The following ADGRV1 variants were observed in gnomAD, a reference collection of about 807,000 sequenced individuals.
ADGRV1 encodes the protein G-protein coupled receptor 98.
ADGRV1 carries 359 observed loss-of-function variants against 596.2 expected under a neutral mutation model. That is an observed-to-expected ratio of 0.60 (90% CI 0.55 to 0.66). The LOEUF is 0.66. Ranked by LOEUF, ADGRV1 falls within the 30% of genes least tolerant of loss-of-function variation. ADGRV1 has a pLI of 0.00. For missense variants in ADGRV1, 7,274 were observed against 7,575.6 expected, an observed-to-expected ratio of 0.96 and a Z score of 1.48; for synonymous variants, 2,681 against 2,679.2, an observed-to-expected ratio of 1.00 and a Z score of -0.02.
intron 85 of ADGRV1, among the ~76,000 whole-genome samples, chr5:91,033,976 C>A (rs995047507): frequency 1.3e-5 from 2 of 152,216 alleles, no homozygotes; most frequent in Admixed American, 6.5e-5. Context: ...TTTAACATTT[C>A]TTTTTCTCTT....
rs556077870 is a variant in ADGRV1, at chr5:90,567,775, C to T, written c.22+8858C>T. 2.0e-5 allele frequency among the ~76,000 whole-genome samples: 3 copies of T among 151,214 alleles called. No individual in the cohort carries two copies. The South Asian group carries it at 6.3e-4, about 32-fold the overall frequency. ...TTTTGACAGAATCTTGGTCTGTTAC[C>T]CCGGCGGGAGTGGGAGTGCAGTGGT... On this transcript the variant is annotated intron_variant, in intron 1 of 89. Transcript: ENST00000405460.
intron 83 of ADGRV1, among the ~76,000 whole-genome samples, chr5:90,947,408 A>G (rs1776672716): frequency 6.6e-6 from 1 of 152,116 alleles, no homozygotes; most frequent in African/African-American, 2.4e-5. Context: ...ATAGATTGCA[A>G]AAATTTTCTC....
chr5:91,040,413 C>G (rs1274967974), intron 85 of ADGRV1, among the ~76,000 whole-genome samples: 1 of 152,124 alleles, frequency 6.6e-6, no homozygotes, highest in East Asian at 1.9e-4. Context: ...TTCATGAGGA[C>G]AGGAATCCTG....
At chr5:91,152,149 G>C (rs1228910040) in intron 88 of ADGRV1, among the ~76,000 whole-genome samples, 1 of 152,164 alleles carries the variant, frequency 6.6e-6, no homozygotes, top group Non-Finnish European at 1.5e-5. Flanking sequence ...CATAGAATTG[G>C]CCTTGATTCA....
intron 11 of ADGRV1, among the ~76,000 whole-genome samples, chr5:90,641,760 A>G (rs2149424562): frequency 6.6e-6 from 1 of 152,280 alleles, no homozygotes; most frequent in East Asian, 1.9e-4. Context: ...TTTTTGGTTC[A>G]ATAGGACGTG....
chr5:91,011,652 C>A (rs554882620), intron 85 of ADGRV1, among the ~76,000 whole-genome samples: 73 of 151,936 alleles, frequency 4.8e-4, no homozygotes, highest in Admixed American at 1.3e-3. Context: ...TTTCTGTGTT[C>A]TTTCTCTAAC....
At chr5:90,656,619 T>C (rs1769441388) in intron 20 of ADGRV1, among the ~76,000 whole-genome samples, 1 of 152,200 alleles carries the variant, frequency 6.6e-6, no homozygotes, top group Non-Finnish European at 1.5e-5. Context: ...AGGTGGTCTC[T>C]GTAGTCGGTA....
chr5:90,919,938 G>A (rs1383964559), intron 83 of ADGRV1, among the ~76,000 whole-genome samples: 2 of 142,770 alleles, frequency 1.4e-5, no homozygotes, highest in African/African-American at 5.2e-5. Context: ...AGGTTGTGAT[G>A]AGCCAAGATC....
At chr5:90,686,555 T>C (rs1745677432) in intron 29 of ADGRV1, among the ~76,000 whole-genome samples, 1 of 152,044 alleles carries the variant, frequency 6.6e-6, no homozygotes, top group Non-Finnish European at 1.5e-5. Context: ...CATCATTTTT[T>C]ATGGCTGCAT....
Position 90,725,604 on chromosome 5 carries a change from G to A in ADGRV1, c.10109G>A (p.Ser3370Asn). 2 of 1,592,392 alleles carry A rather than the reference G, an allele frequency of 1.3e-6. No individual in the cohort carries two copies. The highest frequency in any genetic ancestry group is 1.1e-5 in the South Asian group (1 of 90,326). The change falls in exon 48 of 90, where the codon AGC becomes AAC. Residue 3370 changes from serine to asparagine, a missense_variant. Around this residue, in one of 5 missense-constraint regions of ADGRV1, gnomAD observed 3,643 missense variants for 3,809.2 expected, o/e 0.96. Transcript: ENST00000405460. The part of the protein sequence containing the change: ...SSQVRYFTSD[S>N]QDYLIIASQR... ...CAAGTAAGATATTTTACTTCAGACA[G>A]CCAAGATTATTTAATCATTGCAAGT...
chr5:90,899,656 A>G (rs982021393), intron 83 of ADGRV1, among the ~76,000 whole-genome samples: 5 of 151,958 alleles, frequency 3.3e-5, no homozygotes, highest in African/African-American at 4.8e-5. Flanking sequence ...CGTTCTTTGT[A>G]TCCTACCTCT....
intron 83 of ADGRV1, among the ~76,000 whole-genome samples, chr5:90,893,697 A>G (rs947410815): frequency 2.0e-5 from 3 of 152,224 alleles, no homozygotes; most frequent in Non-Finnish European, 4.4e-5. Flanking sequence ...AAAGAGAACC[A>G]TCTTTATAGG....
chr5:91,150,281 G>T, intron 88 of ADGRV1, 60 bp downstream of exon 88: 1 of 1,201,090 alleles, frequency 8.3e-7, no homozygotes. Flanking sequence ...CTCTCTCTCT[G>T]TCTGTCTCTC....
chr5:90,977,481 G>A (rs2151019219), intron 84 of ADGRV1, among the ~76,000 whole-genome samples: 1 of 152,212 alleles, frequency 6.6e-6, no homozygotes, highest in South Asian at 2.1e-4. Flanking sequence ...GAAAATTATG[G>A]AGTTCAAATA....
chr5:90,967,611 A>T (rs1362880231), intron 84 of ADGRV1, among the ~76,000 whole-genome samples: 1 of 152,144 alleles, frequency 6.6e-6, no homozygotes, highest in Non-Finnish European at 1.5e-5. Context: ...AGAATTTTTG[A>T]TTCATTACTT....
chr5:90,881,401 A>T (rs551232968), intron 83 of ADGRV1, among the ~76,000 whole-genome samples: 1 of 152,222 alleles, frequency 6.6e-6, no homozygotes, highest in African/African-American at 2.4e-5. Context: ...GGGTCTAATT[A>T]TTGGACTGTT....
At chr5:90,681,279 T>C (rs968701289) in intron 26 of ADGRV1, 36 bp from the exon 27 acceptor site, 1 of 1,466,258 alleles carries the variant, frequency 6.8e-7, no homozygotes, top group East Asian at 2.4e-5. Context: ...CTGATCATCA[T>C]TTTTTTTTTC....
intron 83 of ADGRV1, among the ~76,000 whole-genome samples, chr5:90,898,173 A>C (rs1364191934): frequency 6.6e-6 from 1 of 152,170 alleles, no homozygotes; most frequent in African/African-American, 2.4e-5. Context: ...AGGCACTATG[A>C]AGTGTAATAT....
In ADGRV1 at chr5:90,728,816, T is replaced by C. The variant is rs2149813290; in HGVS notation, c.10309T>C (p.Trp3437Arg). 1.2e-6 allele frequency: 2 copies of C among 1,613,984 alleles called. No homozygotes were observed. Among genetic ancestry groups the C allele is most frequent in the Non-Finnish European group, 1.7e-6 (2 of 1,179,882 alleles). ...CAGGCTAAACTCCCTTTTATTCAGA[T>C]GGTCTGGCAGTGGGTTTATTAACTT... ...NARLNSLLFRWSGSGFINFQE... is the reference protein window; with the variant it reads ...NARLNSLLFRRSGSGFINFQE... The change falls in exon 49 of 90, where the codon TGG becomes CGG. Residue 3437 changes from tryptophan (W) to arginine (R), a missense_variant. Physicochemically the swap from Trp to Arg is moderately radical, Grantham distance 101. This residue lies in a region of ADGRV1 where 3,643 missense variants were observed against 3,809.2 expected (regional missense o/e 0.96). Coordinates refer to ENST00000405460, the MANE Select transcript of ADGRV1 (RefSeq NM_032119.4).
Sources: allele counts gnomAD v4.1 joint callset (sites outside exome capture counted in the v4.1 genomes callset), GRCh38; gene constraint gnomAD v4.1.1; regional missense constraint gnomAD v4.1.1; transcripts MANE v1.5; gene names NCBI Gene and HGNC (gene_info 2026-07-23, HGNC 2026-07-21).